The following UBE2D2 variants were observed in gnomAD, a reference collection of about 807,000 sequenced individuals.
The protein encoded by UBE2D2 is ubiquitin conjugating enzyme E2 D2, also known as ubiquitin-conjugating enzyme E2 D2.
UBE2D2 carries 2 observed loss-of-function variants against 24.2 expected under a neutral mutation model. The observed-to-expected ratio is 0.08, with a 90% CI of 0.03 to 0.26. The LOEUF is 0.26. Ranked by LOEUF, UBE2D2 falls within the 10% of genes least tolerant of loss-of-function variation. UBE2D2 has a pLI of 1.00. For synonymous variants in UBE2D2, 58 were observed against 56.5 expected (o/e 1.03, Z -0.12); for missense variants, 44 against 177.6 (o/e 0.25, Z 4.28).
chr5:139,578,230 G>GA (rs1195683901), intron 1 of UBE2D2, among the ~76,000 whole-genome samples: 1 of 152,116 alleles, frequency 6.6e-6, no homozygotes, highest in Non-Finnish European at 1.5e-5. Flanking sequence ...TCATCTCCTG[G>GA]AGTTAGTTGC....
intron 1 of UBE2D2, among the ~76,000 whole-genome samples, chr5:139,548,193 A>AAAAAAAAAAAAATAAATAAATAAAT: frequency 1.5e-4 from 7 of 47,116 alleles, no homozygotes; most frequent in Non-Finnish European, 2.3e-4. Flanking sequence ...ATAAAAAAAA[A>AAAAAAAAAAAAATAAATAAATAAAT]AAATAAATAA....
chr5:139,577,037 T>G (rs1187821140), intron 1 of UBE2D2, among the ~76,000 whole-genome samples: 1 of 149,126 alleles, frequency 6.7e-6, no homozygotes, highest in Non-Finnish European at 1.5e-5. Context: ...TCTTGTAGCA[T>G]AGTAAAATTT....
chr5:139,623,433 G>A lies in UBE2D2; in HGVS notation c.370G>A (p.Ala124Thr). The A allele has an allele frequency of 6.2e-7, 1 of 1,603,618 alleles. No individual in the cohort carries two copies. The highest frequency in any genetic ancestry group is 8.5e-7 in the Non-Finnish European group (1 of 1,172,100). ...AGATGATCCTTTAGTGCCTGAGATT[G>A]CTCGGATCTACAAAACAGATAGAGA... ...NPDDPLVPEI[A>T]RIYKTDREKY... Residue 124 changes from alanine to threonine, a missense_variant, in exon 6 of 7, where the codon GCT becomes ACT. Ala to Thr is a moderately conservative substitution (Grantham distance 58). This residue lies in a region of UBE2D2 where 21 missense variants were observed against 35.7 expected (regional missense o/e 0.59). Transcript: ENST00000398733.
chr5:139,551,457 C>T (rs920615632), intron 1 of UBE2D2, among the ~76,000 whole-genome samples: 1 of 152,196 alleles, frequency 6.6e-6, no homozygotes, highest in Non-Finnish European at 1.5e-5. Context: ...TTTTGAAACC[C>T]TTTGCACTGA....
chr5:139,605,072 C>A (rs1020269959), intron 2 of UBE2D2, among the ~76,000 whole-genome samples: 1 of 152,036 alleles, frequency 6.6e-6, no homozygotes, highest in Non-Finnish European at 1.5e-5. Context: ...TTTTGACTAT[C>A]CTGGTACCCA....
chr5:139,531,212 C>T (rs1053306341), intron 1 of UBE2D2, among the ~76,000 whole-genome samples: 1 of 152,138 alleles, frequency 6.6e-6, no homozygotes, highest in Non-Finnish European at 1.5e-5. Context: ...GAAAGCAGGC[C>T]TGGGCCTGCC....
intron 1 of UBE2D2, among the ~76,000 whole-genome samples, chr5:139,584,533 C>CTTTTTTTT (rs10642044): frequency 5.3e-5 from 7 of 133,062 alleles, no homozygotes; most frequent in African/African-American, 1.2e-4. Flanking sequence ...CTTTTCTTTT[C>CTTTTTTTT]TTTTTTTTTT....
At chr5:139,557,705 C>T (rs766690194), upstream of UBE2D2, among the ~76,000 whole-genome samples, 6 of 152,100 alleles carry the variant, frequency 3.9e-5, no homozygotes, top group Non-Finnish European at 8.8e-5. Context: ...CGAGATCGCA[C>T]CACTGCACTC....
At chr5:139,596,198 G>C (rs2126681457) in intron 1 of UBE2D2, among the ~76,000 whole-genome samples, 1 of 151,056 alleles carries the variant, frequency 6.6e-6, no homozygotes, top group South Asian at 2.1e-4. Context: ...GGCGTTTCTT[G>C]TGTATTCTTG....
At chr5:139,611,751 T>C (rs938205146) in intron 2 of UBE2D2, among the ~76,000 whole-genome samples, 8 of 152,218 alleles carry the variant, frequency 5.3e-5, no homozygotes, top group African/African-American at 1.7e-4. Flanking sequence ...CTGAAACTTG[T>C]TCACCGAAAT....
At chr5:139,612,734 T>C (rs1312525834) in intron 2 of UBE2D2, among the ~76,000 whole-genome samples, 10 of 152,194 alleles carry the variant, frequency 6.6e-5, no homozygotes, top group Admixed American at 5.2e-4. Flanking sequence ...ATATTTGTGA[T>C]TAAAAATAGA....
intron 1 of UBE2D2, among the ~76,000 whole-genome samples, chr5:139,587,122 A>G (rs1753746168): frequency 6.6e-6 from 1 of 152,138 alleles, no homozygotes; most frequent in South Asian, 2.1e-4. Flanking sequence ...TGTGAGTGTT[A>G]TATCTCTATT....
At chr5:139,614,471 T>G (rs1308645507) in intron 2 of UBE2D2, 115 bp from the exon 3 acceptor site, 2 of 1,217,602 alleles carry the variant, frequency 1.6e-6, no homozygotes, top group Non-Finnish European at 2.4e-6. Context: ...TTGCTCATAC[T>G]CATTATCATA....
chr5:139,547,222 C>A (rs1752845709), intron 1 of UBE2D2, among the ~76,000 whole-genome samples: 2 of 151,696 alleles, frequency 1.3e-5, no homozygotes, highest in Admixed American at 1.3e-4. Flanking sequence ...ACCTGGGAGG[C>A]GGAGCTTGCA....
At chr5:139,580,965 A>C (rs1753589436) in intron 1 of UBE2D2, among the ~76,000 whole-genome samples, 1 of 152,180 alleles carries the variant, frequency 6.6e-6, no homozygotes, top group Non-Finnish European at 1.5e-5. Flanking sequence ...AAGTTGTTAA[A>C]GCAACCTGGG....
intron 6 of UBE2D2, among the ~76,000 whole-genome samples, chr5:139,625,548 G>A (rs1754606591): frequency 6.9e-6 from 1 of 145,820 alleles, no homozygotes; most frequent in Admixed American, 7.0e-5. Flanking sequence ...GGCTCAAGTA[G>A]TCCTCCCATC....
chr5:139,550,803 A>G (rs1257324554), intron 1 of UBE2D2, among the ~76,000 whole-genome samples: 1 of 152,146 alleles, frequency 6.6e-6, no homozygotes, highest in East Asian at 1.9e-4. Context: ...GTGAGACCAC[A>G]AATCCACCAG....
At chr5:139,569,153 C>G (rs1257262856) in intron 1 of UBE2D2, among the ~76,000 whole-genome samples, 1 of 152,090 alleles carries the variant, frequency 6.6e-6, no homozygotes, top group Non-Finnish European at 1.5e-5. Flanking sequence ...TTGGATAGTT[C>G]TATCTTGGAT....
At chr5:139,596,167 C>T (rs1188766938) in intron 1 of UBE2D2, among the ~76,000 whole-genome samples, 6 of 151,934 alleles carry the variant, frequency 3.9e-5, no homozygotes, top group Non-Finnish European at 5.9e-5. Context: ...GCTGGGATTA[C>T]AGGTATGAGC....
Sources: gnomAD v4.1 joint callset for allele counts (sites outside exome capture counted in the v4.1 genomes callset) on GRCh38, gnomAD v4.1.1 for gene constraint, gnomAD v4.1.1 regional missense constraint, MANE v1.5 for transcripts, NCBI Gene and HGNC (gene_info 2026-07-23, HGNC 2026-07-21) for gene names.